Variants in ZNF644 observed in about 807,000 individuals in gnomAD.
The protein encoded by ZNF644 is zinc finger protein 644.
In ZNF644, 20 loss-of-function variants were observed where a neutral mutation model predicts 108.0. The ratio of observed to expected loss-of-function variants is 0.19; its 90% CI spans 0.13 to 0.27. The LOEUF (loss-of-function observed/expected upper bound fraction) is 0.27, where lower values mean the gene tolerates loss of function less well. Among genes scored for constraint, ZNF644 ranks in the 10% least tolerant of loss-of-function variants. ZNF644 has a pLI of 1.00. For synonymous variants in ZNF644, 542 were observed against 539.1 expected (o/e 1.01, Z -0.08); for missense variants, 1,338 against 1,548.9 (o/e 0.86, Z 2.29).
At chr1:91,006,509 G>A (rs764425021) in intron 1 of ZNF644, among the ~76,000 whole-genome samples, 15 of 152,148 alleles carry the variant, frequency 9.9e-5, no homozygotes, top group Non-Finnish European at 1.9e-4. Flanking sequence ...CCAAAAAATA[G>A]GAGGGAACAC....
At chr1:90,918,431 T>G (rs1649053953) in intron 4 of ZNF644, 2 of 327,118 alleles carry the variant, frequency 6.1e-6, no homozygotes, top group African/African-American at 4.1e-5. Flanking sequence ...AAACTAGAAC[T>G]GAGAAAATGT....
chr1:90,954,635 G>C (rs528540860), intron 2 of ZNF644, among the ~76,000 whole-genome samples: 27 of 152,250 alleles, frequency 1.8e-4, no homozygotes, highest in African/African-American at 6.3e-4. Context: ...TTGAACTCCT[G>C]ACCTCAAGTG....
At chr1:90,951,502 G>C (rs944977215) in intron 2 of ZNF644, among the ~76,000 whole-genome samples, 1 of 152,090 alleles carries the variant, frequency 6.6e-6, no homozygotes, top group South Asian at 2.1e-4. Context: ...TCCTCAGATG[G>C]AATGCTCTTT....
At chr1:90,934,003 T>G (rs1161930704) in intron 4 of ZNF644, among the ~76,000 whole-genome samples, 1 of 152,202 alleles carries the variant, frequency 6.6e-6, no homozygotes, top group Non-Finnish European at 1.5e-5. Context: ...TGACACATAG[T>G]AAATGTTCAA....
intron 1 of ZNF644, among the ~76,000 whole-genome samples, chr1:90,994,663 G>C (rs1319353426): frequency 6.6e-6 from 1 of 152,224 alleles, no homozygotes; most frequent in African/African-American, 2.4e-5. Context: ...CAACTATGCA[G>C]TGTAGGCAGC....
chr1:90,945,267 C>A (rs914973499), intron 2 of ZNF644, among the ~76,000 whole-genome samples: 1 of 152,004 alleles, frequency 6.6e-6, no homozygotes, highest in Admixed American at 6.6e-5. Flanking sequence ...CCCATATAAT[C>A]ATATAACCAT....
At chr1:90,934,180 C>T (rs2100899241) in intron 4 of ZNF644, among the ~76,000 whole-genome samples, 1 of 152,242 alleles carries the variant, frequency 6.6e-6, no homozygotes, top group East Asian at 1.9e-4. Flanking sequence ...TAGACTAAAA[C>T]TCACCCCACT....
Position 90,940,607 on chromosome 1 carries a change from A to T in ZNF644, c.747T>A (p.Asp249Glu). 1 of 1,613,962 alleles carries T rather than the reference A, an allele frequency of 6.2e-7. No homozygotes were observed. The highest frequency in any genetic ancestry group is 8.5e-7 in the Non-Finnish European group (1 of 1,179,968). The change falls in exon 3 of 6, where the codon GAT becomes GAA. Residue 249 changes from aspartate to glutamate, a missense_variant. Coordinates refer to ENST00000337393, the MANE Select transcript of ZNF644 (RefSeq NM_201269.3). ...NTVTGISSGTDGFRSENDTNW... is the reference protein window; with the variant it reads ...NTVTGISSGTEGFRSENDTNW... ...TTGTATCATTTTCTGACCTAAATCC[A>T]TCTGTACCTGAGGAAATTCCCGTTA... is the stretch of plus-strand genomic sequence containing the variant.
intron 2 of ZNF644, among the ~76,000 whole-genome samples, chr1:90,951,863 G>A (rs541025080): frequency 1.3e-5 from 2 of 152,280 alleles, no homozygotes; most frequent in South Asian, 4.1e-4. Context: ...TTAGCATTGC[G>A]CAAATGCTCC....
intron 4 of ZNF644, among the ~76,000 whole-genome samples, chr1:90,929,610 T>C (rs1650484553): frequency 6.6e-6 from 1 of 152,232 alleles, no homozygotes; most frequent in Non-Finnish European, 1.5e-5. Context: ...AATAATTTAA[T>C]GCACATTGGG....
intron 1 of ZNF644, among the ~76,000 whole-genome samples, chr1:91,010,383 C>A (rs1659847685): frequency 6.6e-6 from 1 of 151,494 alleles, no homozygotes; most frequent in South Asian, 2.1e-4. Context: ...GGATTGCAGG[C>A]ACCCACCATC....
intron 1 of ZNF644, among the ~76,000 whole-genome samples, chr1:90,992,936 C>G (rs917995862): frequency 3.9e-5 from 6 of 151,944 alleles, no homozygotes; most frequent in Admixed American, 1.3e-4. Flanking sequence ...CCTAGCTACT[C>G]AAGAGGCCAA....
At chr1:90,942,095 TG>T (rs1652053753) in intron 2 of ZNF644, among the ~76,000 whole-genome samples, 1 of 152,190 alleles carries the variant, frequency 6.6e-6, no homozygotes, top group African/African-American at 2.4e-5. Context: ...TGAAGGTTTA[TG>T]TCAAACTTTC....
chr1:90,982,464 C>G (rs1656649566), intron 1 of ZNF644, 94 bp from the exon 2 acceptor site: 1 of 816,166 alleles, frequency 1.2e-6, no homozygotes, highest in East Asian at 2.6e-5. Flanking sequence ...AATGAAAAAA[C>G]ACAAACCAAA....
At chr1:90,988,836 GA>G (rs2101570104) in intron 1 of ZNF644, among the ~76,000 whole-genome samples, 1 of 152,244 alleles carries the variant, frequency 6.6e-6, no homozygotes, top group South Asian at 2.1e-4. Flanking sequence ...ATATCCACGT[GA>G]AAAAGAATGA....
At position 91,017,776 on chromosome 1, in the gene ZNF644, A is replaced by G. The variant is rs371308104; in HGVS notation, c.-18+4214T>C. ...CAGGAGTTCGAGACCAGCCTGGCCA[A>G]CATGATGAAACCCCATCTCTACTAA... On this transcript the variant is annotated intron_variant, in intron 1 of 5. Transcript: ENST00000337393. 1.4e-4 allele frequency among the ~76,000 whole-genome samples: 21 copies of G among 152,302 alleles called. 1 individual carries two copies. In the South Asian group the frequency reaches 3.9e-3, roughly 29 times the overall value.
At chr1:90,952,509 A>C (rs934269796) in intron 2 of ZNF644, among the ~76,000 whole-genome samples, 9 of 152,238 alleles carry the variant, frequency 5.9e-5, no homozygotes, top group Admixed American at 1.3e-4. Context: ...AAATCTGAGA[A>C]TGTATTACAA....
rs1553147941 is a variant in ZNF644 at position 90,937,736 on chromosome 1, C to T, written c.3437G>A (p.Gly1146Glu). Residue 1146 changes from glycine (G) to glutamate (E), a missense_variant, in exon 4 of 6, where the codon GGG becomes GAG. Coordinates refer to ENST00000337393, the MANE Select transcript of ZNF644 (RefSeq NM_201269.3). The stretch of plus-strand genomic sequence containing the variant: ...ATCATATTCATTTAAGAAATTCAGC[C>T]CTTCTTCTTCTGATGCAGACACTGA... ...ALSVSASEEE[G>E]LNFLNEYDET... The T allele has an allele frequency of 3.7e-6, 6 of 1,613,628 alleles. No individual in the cohort carries two copies. Among genetic ancestry groups the T allele is most frequent in the Admixed American group, 3.3e-5 (2 of 59,958 alleles).
At chr1:90,917,452 A>G (rs1648909731) in intron 5 of ZNF644, among the ~76,000 whole-genome samples, 1 of 152,182 alleles carries the variant, frequency 6.6e-6, no homozygotes, top group Non-Finnish European at 1.5e-5. Flanking sequence ...ACATCAAACC[A>G]AACAAAATTA....
Sources: gnomAD v4.1 joint callset for allele counts (sites outside exome capture counted in the v4.1 genomes callset) on GRCh38, gnomAD v4.1.1 for gene constraint, MANE v1.5 for transcripts, NCBI Gene and HGNC (gene_info 2026-07-23, HGNC 2026-07-21) for gene names.